The following TSHZ3 variants were observed in gnomAD, a reference collection of about 807,000 sequenced individuals.
TSHZ3 encodes teashirt zinc finger homeobox 3.
TSHZ3 carries 10 observed loss-of-function variants against 64.5 expected under a neutral mutation model. The ratio of observed to expected loss-of-function variants is 0.16; its 90% CI spans 0.10 to 0.26. The LOEUF (loss-of-function observed/expected upper bound fraction) is 0.26. Ranked by LOEUF, TSHZ3 falls within the 10% of genes least tolerant of loss-of-function variation. TSHZ3 has a pLI of 1.00. For missense variants in TSHZ3, 1,242 were observed against 1,421.7 expected (o/e 0.87, Z 2.03); for synonymous variants, 608 against 593.1 (o/e 1.03, Z -0.36).
chr19:31,235,138 C>A (rs531100671), intron 3 of TSHZ3, among the ~76,000 whole-genome samples: 2 of 152,096 alleles, frequency 1.3e-5, no homozygotes, highest in African/African-American at 2.4e-5. Flanking sequence ...AAATGATCCC[C>A]ACAACCAAAC....
At chr19:31,182,464 G>A (rs1368771131) in intron 5 of TSHZ3, among the ~76,000 whole-genome samples, 1 of 152,104 alleles carries the variant, frequency 6.6e-6, no homozygotes, top group African/African-American at 2.4e-5. Context: ...AACATTTCTA[G>A]GTCACACCAA....
chr19:31,212,031 T>G (rs1331740700), intron 4 of TSHZ3, among the ~76,000 whole-genome samples: 1 of 152,104 alleles, frequency 6.6e-6, no homozygotes, highest in Non-Finnish European at 1.5e-5. Flanking sequence ...TGAGAGCACT[T>G]TTAAGCTTTT....
At chr19:31,207,108 C>T (rs186866310) in intron 4 of TSHZ3, among the ~76,000 whole-genome samples, 1 of 152,222 alleles carries the variant, frequency 6.6e-6, no homozygotes. Context: ...AGGCGAGAGA[C>T]CATTATTGCT....
chr19:31,209,794 T>C (rs1038147356), intron 4 of TSHZ3, among the ~76,000 whole-genome samples: 9 of 152,136 alleles, frequency 5.9e-5, no homozygotes, highest in Non-Finnish European at 1.2e-4. Flanking sequence ...TGAGCAGTGA[T>C]GCCCCTTAGG....
intron 1 of TSHZ3, among the ~76,000 whole-genome samples, chr19:31,342,063 C>A (rs1221893196): frequency 1.3e-5 from 2 of 152,208 alleles, no homozygotes; most frequent in Non-Finnish European, 2.9e-5. Context: ...AGGAGTATTA[C>A]AATAAGGTGT....
chr19:31,257,683 T>A (rs73927324), intron 1 of TSHZ3, among the ~76,000 whole-genome samples: 2,565 of 152,074 alleles, frequency 0.017, 72 homozygotes, highest in African/African-American at 0.058. Context: ...CACGGGACTA[T>A]GCTGCAGTCT....
chr19:31,205,597 A>G (rs1405060847), intron 4 of TSHZ3, among the ~76,000 whole-genome samples: 1 of 152,156 alleles, frequency 6.6e-6, no homozygotes, highest in Non-Finnish European at 1.5e-5. Flanking sequence ...TTCACCAGGG[A>G]GCACCATGTG....
chr19:31,267,540 C>T (rs112297393), intron 1 of TSHZ3, among the ~76,000 whole-genome samples: 799 of 152,278 alleles, frequency 5.2e-3, no homozygotes, highest in Non-Finnish European at 8.5e-3. Context: ...GCATCTCCTT[C>T]TTTCCCCTGC....
At chr19:31,226,977 CTTTTTT>C (rs3030229) in intron 4 of TSHZ3, among the ~76,000 whole-genome samples, 1 of 65,682 alleles carries the variant, frequency 1.5e-5, no homozygotes, top group Non-Finnish European at 2.4e-5. Flanking sequence ...TTCTTTCTTT[CTTTTTT>C]TTTTTTTTTT....
At position 31,277,842 on chromosome 19, in the gene TSHZ3, C is replaced by T. The variant is rs566625027; in HGVS notation, c.1951G>A (p.Gly651Arg). 7 of 1,583,164 alleles carry T rather than the reference C, an allele frequency of 4.4e-6. No homozygotes were observed. The highest frequency in any genetic ancestry group is 3.5e-5 in the South Asian group (3 of 84,550). ...ATPSPCSSEV[G>R]EPIKMEASSD... Reference sequence around the variant, plus strand: ...GATGCCTCCATCTTGATGGGTTCCCCGACTTCGCTGCTACATGGGGAGGGA... The same window carrying T: ...GATGCCTCCATCTTGATGGGTTCCCTGACTTCGCTGCTACATGGGGAGGGA... The change falls in exon 2 of 2, where the codon GGG (glycine) becomes AGG (arginine). Residue 651 changes from glycine (G) to arginine (R), a missense_variant. This residue lies in a region of TSHZ3 where 550 missense variants were observed against 545.1 expected (regional missense o/e 1.01). Transcript: ENST00000240587. The surrounding 1 kb of genome is among the most constrained non-coding windows in gnomAD (Gnocchi z 4.5).
chr19:31,340,665 C>A (rs1307688835), intron 1 of TSHZ3, among the ~76,000 whole-genome samples: 5 of 152,172 alleles, frequency 3.3e-5, no homozygotes, highest in Admixed American at 1.3e-4. Flanking sequence ...AGTTCTCAGA[C>A]CTTTTATCAT....
intron 5 of TSHZ3, among the ~76,000 whole-genome samples, chr19:31,179,729 AGGTGGTGGTGGTGGTGGTGATGGTGGT>A: frequency 6.8e-6 from 1 of 147,368 alleles, no homozygotes; most frequent in East Asian, 2.0e-4. Flanking sequence ...TGATGATGGT[AGGTGGTGGTGGTGGTGGTGATGGTGGT>A]GGTGATGGTG....
chr19:31,318,641 A>C (rs1916674756), intron 1 of TSHZ3, among the ~76,000 whole-genome samples: 2 of 152,194 alleles, frequency 1.3e-5, no homozygotes, highest in Non-Finnish European at 2.9e-5. Context: ...TAGTATCATG[A>C]ATAAAAGAAC....
chr19:31,348,818 G>A (rs1376204427), intron 1 of TSHZ3: 1 of 240,002 alleles, frequency 4.2e-6, no homozygotes, highest in Non-Finnish European at 8.0e-6. Flanking sequence ...GGAGGACGCG[G>A]AAGATGTCCC....
At chr19:31,232,841 C>T (rs1326219359) in intron 3 of TSHZ3, among the ~76,000 whole-genome samples, 2 of 152,136 alleles carry the variant, frequency 1.3e-5, no homozygotes, top group African/African-American at 4.8e-5. Context: ...GTTTCCTGTC[C>T]TGTTTCTTTC....
intron 1 of TSHZ3, among the ~76,000 whole-genome samples, chr19:31,265,397 CAAAAAAAAAAAA>C (rs11432951): frequency 5.8e-5 from 2 of 34,280 alleles, no homozygotes; most frequent in Admixed American, 3.8e-4. Flanking sequence ...AACTCTGTCT[CAAAAAAAAAAAA>C]AAAAAAAAAA....
intron 5 of TSHZ3, among the ~76,000 whole-genome samples, chr19:31,186,086 G>A (rs1473689094): frequency 3.3e-5 from 5 of 152,148 alleles, no homozygotes; most frequent in Non-Finnish European, 7.4e-5. Flanking sequence ...GAATGTTGGG[G>A]TTCCTTCCGG....
chr19:31,212,181 C>T (rs543380244), intron 4 of TSHZ3, among the ~76,000 whole-genome samples: 6 of 152,098 alleles, frequency 3.9e-5, no homozygotes, highest in East Asian at 1.9e-4. Context: ...GGTGGCCAGA[C>T]GCCATGGCTC....
chr19:31,192,679 T>TA (rs2145139490), intron 5 of TSHZ3, among the ~76,000 whole-genome samples: 1 of 152,340 alleles, frequency 6.6e-6, no homozygotes, highest in Non-Finnish European at 1.5e-5. Flanking sequence ...CATTACAGTG[T>TA]AATATTCCAC....
Sources: gnomAD v4.1 joint callset for allele counts (sites outside exome capture counted in the v4.1 genomes callset) on GRCh38, gnomAD v4.1.1 for gene constraint, gnomAD v4.1.1 regional missense constraint, Gnocchi (gnomAD v3.1) non-coding constraint, MANE v1.5 for transcripts, NCBI Gene and HGNC (gene_info 2026-07-23, HGNC 2026-07-21) for gene names.